The following ABCB9 variants were observed in gnomAD, a reference collection of about 807,000 sequenced individuals.
ABCB9 encodes the protein ABC-type oligopeptide transporter ABCB9.
In ABCB9, 36 loss-of-function variants were observed where a neutral mutation model predicts 62.0. That is an observed-to-expected ratio of 0.58 (90% CI 0.45 to 0.77). ABCB9 has a LOEUF of 0.77. ABCB9 is among the 30% of genes least tolerant of loss of function. ABCB9 has a pLI of 0.00. For missense variants in ABCB9, 943 were observed against 1,054.7 expected, an observed-to-expected ratio of 0.89 and a Z score of 1.47; for synonymous variants, 435 against 461.4, an observed-to-expected ratio of 0.94 and a Z score of 0.73.
intron 1 of ABCB9, among the ~76,000 whole-genome samples, chr12:122,961,166 G>A (rs997773153): frequency 6.6e-6 from 1 of 151,810 alleles, no homozygotes; most frequent in South Asian, 2.1e-4. Flanking sequence ...AGGGGTGGGG[G>A]AAGACAGAGA....
At chr12:122,948,984 C>T (rs1566179269) in intron 4 of ABCB9, 155 bp from the exon 5 acceptor site, 6 of 606,928 alleles carry the variant, frequency 9.9e-6, no homozygotes, top group South Asian at 4.4e-5. Flanking sequence ...AGATACCCCT[C>T]GAGGGCTACT....
At chr12:122,962,463 C>T (rs552546611) in intron 1 of ABCB9, among the ~76,000 whole-genome samples, 248 of 152,310 alleles carry the variant, frequency 1.6e-3, no homozygotes, top group African/African-American at 5.8e-3. Context: ...GAAGCTCTGG[C>T]GCCCAGGTGC....
Position 122,940,594 on chromosome 12 carries a change from C to T in ABCB9, c.1569+213G>A, listed in dbSNP as rs1019319729. The stretch of plus-strand genomic sequence containing the variant: ...CCATTCCCATGGACCATCCCTACCA[C>T]AGCACCCTGATCTATTTTCTTTCTA... On this transcript the variant is annotated intron_variant, in intron 8 of 11. Transcript: ENST00000280560. The surrounding 1 kb of genome is among the most constrained non-coding windows in gnomAD (Gnocchi z 4.8). Among the ~76,000 whole-genome samples the T allele has an allele frequency of 6.6e-6, 1 of 152,220 alleles. No individual in the cohort carries two copies. The highest frequency in any genetic ancestry group is 6.5e-5 in the Admixed American group (1 of 15,280).
chr12:122,959,524 A>C lies in ABCB9; in HGVS notation c.601+111T>G. 8 of 1,484,992 alleles carry C rather than the reference A, an allele frequency of 5.4e-6. No individual in the cohort carries two copies. The highest frequency in any genetic ancestry group is 7.2e-6 in the Non-Finnish European group (8 of 1,112,280). 92.0% of individuals were successfully genotyped at this position (1,484,992 alleles called of 1,614,324 possible). A position where few individuals can be genotyped will look rare whatever the true frequency, so the allele number is the denominator to read the frequency against. On this transcript the variant is annotated intron_variant, in intron 2 of 11. Coordinates refer to ENST00000280560, the MANE Select transcript of ABCB9 (RefSeq NM_019625.4). This position sits in a 1 kb window ranked among gnomAD's most constrained non-coding sequence, Gnocchi z 5.4. ...CTATGCCTGGCCTCTTTTCCTTTTC[A>C]TATCAATTTGATGTCTGAACCACGT...
chr12:122,923,695 C>T (rs570051429), intron 11 of ABCB9, among the ~76,000 whole-genome samples: 1 of 152,188 alleles, frequency 6.6e-6, no homozygotes, highest in Non-Finnish European at 1.5e-5. Context: ...AAATACCACA[C>T]GTTTCCCACA....
chr12:122,926,206 T>C (rs2034900464), downstream of ABCB9, among the ~76,000 whole-genome samples: 2 of 152,188 alleles, frequency 1.3e-5, no homozygotes, highest in Non-Finnish European at 2.9e-5. Context: ...ATGTCACTAA[T>C]GATAAGTTTT....
At chr12:122,949,697 AC>A (rs2036248778) in intron 4 of ABCB9, 90 bp downstream of exon 4, 1 of 1,521,862 alleles carries the variant, frequency 6.6e-7, no homozygotes, top group Non-Finnish European at 9.0e-7. Flanking sequence ...GGCTGAGACC[AC>A]CCACACGCCC....
At position 122,950,560 on chromosome 12, in the gene ABCB9, T is replaced by A; in HGVS notation, c.607A>T (p.Thr203Ser). Reference protein sequence around the residue: ...FFLIVAALGETFLPYYTGRAI... With the variant: ...FFLIVAALGESFLPYYTGRAI... Reference sequence around the variant, plus strand: ...CGGCCCGTGTAGTAGGGCAGGAAGGTCTCTCCTGGGGGAGGCAGGGCAGCC... The same window carrying A: ...CGGCCCGTGTAGTAGGGCAGGAAGGACTCTCCTGGGGGAGGCAGGGCAGCC... The change falls in exon 3 of 12, where the codon ACC (threonine) becomes TCC (serine). Residue 203 changes from threonine to serine, a missense_variant. Thr to Ser is a moderately conservative substitution (Grantham distance 58). Coordinates refer to ENST00000280560, the MANE Select transcript of ABCB9 (RefSeq NM_019625.4). 1.2e-6 allele frequency: 2 copies of A among 1,611,502 alleles called. No individual in the cohort carries two copies. Among genetic ancestry groups the A allele is most frequent in the Non-Finnish European group, 1.7e-6 (2 of 1,179,660 alleles).
At chr12:122,926,334 C>CAGG (rs1305357804), downstream of ABCB9, among the ~76,000 whole-genome samples, 1 of 152,070 alleles carries the variant, frequency 6.6e-6, no homozygotes, top group Non-Finnish European at 1.5e-5. Flanking sequence ...TACTTGAAGC[C>CAGG]AGGAGTTCAA....
At position 122,932,179 on chromosome 12, in the gene ABCB9, C is replaced by G; in HGVS notation, c.2040+13G>C. 1 of 1,551,894 alleles carries G rather than the reference C, an allele frequency of 6.4e-7. No homozygotes were observed. Among genetic ancestry groups the G allele is most frequent in the South Asian group, 1.2e-5 (1 of 84,052 alleles). ...GCTCCTGCCCCCGCATTGCCCACCA[C>G]CCTGTGACTCACCAGATACTCGCTC... On this transcript the variant is annotated intron_variant, in intron 11 of 11. Coordinates refer to ENST00000280560, the MANE Select transcript of ABCB9 (RefSeq NM_019625.4). The surrounding 1 kb of genome is among the most constrained non-coding windows in gnomAD (Gnocchi z 4.7).
At chr12:122,943,633 T>C (rs2035882802) in intron 7 of ABCB9, among the ~76,000 whole-genome samples, 2 of 152,138 alleles carry the variant, frequency 1.3e-5, no homozygotes, top group Non-Finnish European at 2.9e-5. Context: ...TCATTCTTTC[T>C]TTCTTTTTTT....
Position 122,959,868 on chromosome 12 carries a change from G to T in ABCB9, c.368C>A (p.Thr123Lys). ...GAAGGATGCGCCGAGTGAAATGTAC[G>T]TCCACACGAACAGGGCCCAAAACCA... is the stretch of plus-strand genomic sequence containing the variant. ...DPWFWALFVW[T>K]YISLGASFLL... is the part of the protein sequence containing the mutation. Residue 123 changes from threonine to lysine, a missense_variant, in exon 2 of 12, where the codon ACG becomes AAG. Physicochemically the swap from Thr to Lys is moderately conservative, Grantham distance 78. Transcript: ENST00000280560. This position sits in a 1 kb window ranked among gnomAD's most constrained non-coding sequence, Gnocchi z 5.4. 1 of 1,613,502 alleles carries T rather than the reference G, an allele frequency of 6.2e-7. No individual in the cohort carries two copies. Among genetic ancestry groups the T allele is most frequent in the Non-Finnish European group, 8.5e-7 (1 of 1,179,872 alleles).
intron 7 of ABCB9, among the ~76,000 whole-genome samples, chr12:122,943,271 T>G (rs1428012884): frequency 2.0e-5 from 3 of 152,176 alleles, no homozygotes. Flanking sequence ...TCTGCTGACT[T>G]CCTTCCTTCC....
intron 4 of ABCB9, 78 bp downstream of exon 4, chr12:122,949,710 T>C: frequency 6.3e-7 from 1 of 1,577,186 alleles, no homozygotes; most frequent in Non-Finnish European, 8.7e-7. Flanking sequence ...CACACGCCCA[T>C]TTCATTCCTC....
At chr12:122,953,515 G>A (rs2036469176) in intron 2 of ABCB9, among the ~76,000 whole-genome samples, 1 of 152,130 alleles carries the variant, frequency 6.6e-6, no homozygotes, top group African/African-American at 2.4e-5. Flanking sequence ...AGCCTCCCGA[G>A]TAGCTGGGAT....
intron 2 of ABCB9, among the ~76,000 whole-genome samples, chr12:122,955,355 C>T (rs947383110): frequency 6.6e-6 from 1 of 152,226 alleles, no homozygotes; most frequent in Non-Finnish European, 1.5e-5. Flanking sequence ...CAGCAGCTGA[C>T]GGCAGGGCCC....
chr12:122,967,200 G>A (rs1457188230), upstream of ABCB9, among the ~76,000 whole-genome samples: 2 of 152,224 alleles, frequency 1.3e-5, no homozygotes, highest in African/African-American at 2.4e-5. Context: ...CCTTCATGGC[G>A]TGAAGGGGAC....
intron 11 of ABCB9, among the ~76,000 whole-genome samples, chr12:122,922,111 C>A (rs1164232321): frequency 6.6e-6 from 1 of 152,184 alleles, no homozygotes; most frequent in South Asian, 2.1e-4. Flanking sequence ...TTAACGACTG[C>A]TATTTTCAGT....
chr12:122,970,746 G>C (rs1174007018), upstream of ABCB9, among the ~76,000 whole-genome samples: 3 of 152,168 alleles, frequency 2.0e-5, no homozygotes, highest in African/African-American at 7.2e-5. Context: ...ATTCGTAATT[G>C]CCTAAACTTG....
Sources: gnomAD v4.1 joint callset for allele counts (sites outside exome capture counted in the v4.1 genomes callset) on GRCh38, gnomAD v4.1.1 for gene constraint, Gnocchi (gnomAD v3.1) non-coding constraint, MANE v1.5 for transcripts, NCBI Gene and HGNC (gene_info 2026-07-23, HGNC 2026-07-21) for gene names.